CDK2: variants seen among roughly 807,000 people sequenced by gnomAD.
CDK2 encodes the protein cyclin-dependent kinase 2.
Under a neutral mutation model 35.0 loss-of-function variants are expected in CDK2, and 8 were observed. That is an observed-to-expected ratio of 0.23 (90% CI 0.13 to 0.41). CDK2 has a LOEUF of 0.41. Among genes scored for constraint, CDK2 ranks in the 10% least tolerant of loss-of-function variants. The pLI, the probability that CDK2 is intolerant of heterozygous loss-of-function variation, is 1.00. For missense variants in CDK2, 201 were observed against 367.1 expected (o/e 0.55, Z 3.70); for synonymous variants, 134 against 137.7 (o/e 0.97, Z 0.19).
At chr12:55,967,176 C>T (rs777189859) in intron 1 of CDK2, 52 bp downstream of exon 1, 5 of 1,334,992 alleles carry the variant, frequency 3.7e-6, no homozygotes, top group East Asian at 2.4e-5. Flanking sequence ...CTTGATTGTC[C>T]CCCCCAACCC....
rs756121451 is a variant in CDK2, at chr12:55,969,466, G to C, written c.487-9G>C. On this transcript the variant is annotated splice_polypyrimidine_tract_variant and intron_variant, in intron 4 of 6. Coordinates refer to ENST00000266970, the MANE Select transcript of CDK2 (RefSeq NM_001798.5). ...AACCACCCCGCCCCTCCCTATTCCC[G>C]TCCCTCAGGTGGTGACCCTGTGGTA... 6.5e-7 allele frequency: 1 copy of C among 1,545,584 alleles called. No homozygotes were observed. The highest frequency in any genetic ancestry group is 2.3e-5 in the East Asian group (1 of 43,476).
chr12:55,967,799 G>T (rs1289651433), intron 1 of CDK2, 58 bp from the exon 2 acceptor site: 3 of 1,410,074 alleles, frequency 2.1e-6, no homozygotes, highest in Non-Finnish European at 3.0e-6. Flanking sequence ...TGACTAGGTG[G>T]GGGGGAAAGG....
intron 5 of CDK2, among the ~76,000 whole-genome samples, chr12:55,970,439 T>G (rs1009250920): frequency 2.0e-5 from 3 of 152,134 alleles, no homozygotes; most frequent in Non-Finnish European, 4.4e-5. Flanking sequence ...GTAGGCTGTC[T>G]TCAAATCAGC....
Position 55,967,941 on chromosome 12 carries a change from A to G in CDK2, c.194+7A>G. The G allele has an allele frequency of 3.7e-6, 6 of 1,613,902 alleles. No individual in the cohort carries two copies. Among genetic ancestry groups the G allele is most frequent in the South Asian group, 2.2e-5 (2 of 91,066 alleles). ...ACCATCCTAATATTGTCAAGTAAGT[A>G]TGCGTCTGAGAGGTGATCCAGCTGG... is the stretch of plus-strand genomic sequence containing the variant. On this transcript the variant is annotated splice_region_variant and intron_variant, in intron 2 of 6. Transcript: ENST00000266970.
Position 55,972,480 on chromosome 12 carries a change from C to T in CDK2, c.*855C>T, listed in dbSNP as rs974579109. ...AGGCATCATTTTGAGAATGCTGACA[C>T]TTTTTCAGGGCTGTGATTGAGTGAG... On this transcript the variant is annotated 3_prime_UTR_variant, in exon 7 of 7. Coordinates refer to ENST00000266970, the MANE Select transcript of CDK2 (RefSeq NM_001798.5). 2 of 151,850 alleles carry T rather than the reference C, an allele frequency of 1.3e-5. No individual in the cohort carries two copies. Among genetic ancestry groups the T allele is most frequent in the East Asian group, 3.9e-4 (2 of 5,188 alleles). The allele number at this position is 151,850 out of a possible 1,614,324, so 9.4% of individuals were successfully genotyped here.
At position 55,968,866 on chromosome 12, in the gene CDK2, T is replaced by C. The variant is rs771983231; in HGVS notation, c.404T>C (p.Ile135Thr). 1.2e-6 allele frequency: 2 copies of C among 1,613,104 alleles called. No individual in the cohort carries two copies. The highest frequency in any genetic ancestry group is 2.2e-5 in the South Asian group (2 of 90,906). Residue 135 changes from isoleucine to threonine, a missense_variant, in exon 4 of 7, where the codon ATT becomes ACT. By Grantham distance (89) the Ile-to-Thr change is moderately conservative. This residue lies in a region of CDK2 where 47 missense variants were observed against 59.5 expected (regional missense o/e 0.79). Transcript: ENST00000266970. ...GACCTTAAACCTCAGAATCTGCTTA[T>C]TAACACAGAGGGGGCCATCAAGCTA... ...HRDLKPQNLL[I>T]NTEGAIKLAD...
chr12:55,971,442 T>G, intron 6 of CDK2, 79 bp from the exon 7 acceptor site: 1 of 1,230,192 alleles, frequency 8.1e-7, no homozygotes, highest in East Asian at 2.3e-5. Context: ...GAGTTCTGGT[T>G]TCCTGATTTC....
In CDK2 at chr12:55,967,280, G is replaced by A; in HGVS notation, c.116+156G>A. On this transcript the variant is annotated intron_variant, in intron 1 of 6. Transcript: ENST00000266970. ...GGGTTGGGGGCCAGTAGAAGGTGAA[G>A]AGTATACTTATACTCCCTGGGGAGA... The A allele has an allele frequency of 4.7e-6, 3 of 639,270 alleles. No homozygotes were observed. In the South Asian group the frequency reaches 5.4e-5, roughly 11 times the overall value. The allele number at this position is 639,270 out of a possible 1,614,324, so 39.6% of individuals were successfully genotyped here.
chr12:55,967,613 T>C lies in CDK2; in HGVS notation c.117-244T>C, dbSNP rs141055162. 9.1e-4 allele frequency: 500 copies of C among 549,848 alleles called. 3 individuals are homozygous for C. In the East Asian group the frequency reaches 0.015, roughly 17 times the overall value. The allele number at this position is 549,848 out of a possible 1,614,324, so 34.1% of individuals were successfully genotyped here. ...TTTTTCCCCTCCATTACAGTCTCCC[T>C]GCTTCACCTTCACCAGGCGGCTTTA... is the stretch of plus-strand genomic sequence containing the variant. On this transcript the variant is annotated intron_variant, in intron 1 of 6. Transcript: ENST00000266970.
chr12:55,970,375 C>G, intron 5 of CDK2, among the ~76,000 whole-genome samples: 1 of 151,346 alleles, frequency 6.6e-6, no homozygotes, highest in African/African-American at 2.4e-5. Flanking sequence ...ATCCTTGAAG[C>G]CTGGCTTTAT....
In CDK2 at chr12:55,966,914, TC is replaced by T. The variant is rs1889329023; in HGVS notation, c.-90del. 3 of 1,062,978 alleles carry T rather than the reference TC, an allele frequency of 2.8e-6. No homozygotes were observed. In the African/African-American group the frequency reaches 4.7e-5, roughly 17 times the overall value. The allele number at this position is 1,062,978 out of a possible 1,614,324, so 65.8% of individuals were successfully genotyped here. On this transcript the variant is annotated 5_prime_UTR_variant, in exon 1 of 7. Transcript: ENST00000266970. Reference sequence around the variant, plus strand: ...CGGGGCCACGGTACTGGGCCCTGTTTCCCCCTCCTCGGCCCCCGAGAGCCAG... The same window carrying T: ...CGGGGCCACGGTACTGGGCCCTGTTTCCCCTCCTCGGCCCCCGAGAGCCAG...
At position 55,966,867 on chromosome 12, in the gene CDK2, T is replaced by C. The variant is rs1428523781; in HGVS notation, c.-142T>C. Reference sequence around the variant, plus strand: ...TGGCCAAATTGACAAGAGCGAGAGGTATACTGCGTTCCATCCCGACCCGGG... The same window carrying C: ...TGGCCAAATTGACAAGAGCGAGAGGCATACTGCGTTCCATCCCGACCCGGG... On this transcript the variant is annotated 5_prime_UTR_variant, in exon 1 of 7. Coordinates refer to ENST00000266970, the MANE Select transcript of CDK2 (RefSeq NM_001798.5). 11 of 850,892 alleles carry C rather than the reference T, an allele frequency of 1.3e-5. No homozygotes were observed. In the East Asian group the frequency reaches 2.4e-4, roughly 19 times the overall value. 52.7% of individuals were successfully genotyped at this position (850,892 alleles called of 1,614,324 possible). A position where few individuals can be genotyped will look rare whatever the true frequency, so the allele number is the denominator to read the frequency against.
rs764190346 is a variant in CDK2, at chr12:55,967,844, C to G, written c.117-13C>G. 6.2e-7 allele frequency: 1 copy of G among 1,611,302 alleles called. No homozygotes were observed. The highest frequency in any genetic ancestry group is 8.5e-7 in the Non-Finnish European group (1 of 1,177,458). ...AACCATATTCCCATCTCTGCTTTCCCAACCTCTCCAAGTGAGACTGAGGGT... is the reference window on the plus strand; with the variant it reads ...AACCATATTCCCATCTCTGCTTTCCGAACCTCTCCAAGTGAGACTGAGGGT... On this transcript the variant is annotated splice_polypyrimidine_tract_variant and intron_variant, in intron 1 of 6. Transcript: ENST00000266970.
chr12:55,970,915 G>A, intron 5 of CDK2, 129 bp from the exon 6 acceptor site: 1 of 812,340 alleles, frequency 1.2e-6, no homozygotes, highest in Non-Finnish European at 2.2e-6. Flanking sequence ...CTGACCCCAT[G>A]AAAGGCCCTG....
intron 5 of CDK2, 81 bp downstream of exon 5, chr12:55,969,657 C>CTGGGCCAAGA: frequency 1.4e-6 from 1 of 733,822 alleles, no homozygotes; most frequent in Non-Finnish European, 2.3e-6. Context: ...CTTCTTGGCC[C>CTGGGCCAAGA]AGACCTATGG....
At chr12:55,971,430 AGGAGTT>A in intron 6 of CDK2, 85 bp from the exon 7 acceptor site, 1 of 1,163,062 alleles carries the variant, frequency 8.6e-7, no homozygotes. Context: ...CTTGGGTAGA[AGGAGTT>A]CTGGTTTCCT....
Position 55,968,085 on chromosome 12 carries a change from C to T in CDK2, c.231C>T (p.Tyr77=). The T allele has an allele frequency of 7.4e-6, 12 of 1,614,074 alleles. No homozygotes were observed. The highest frequency in any genetic ancestry group is 2.5e-6 in the Non-Finnish European group (3 of 1,179,990). Residue 77 remains tyrosine (Y), a synonymous_variant, in exon 3 of 7, where the codon TAC becomes TAT. Transcript: ENST00000266970. ...LDVIHTENKL[Y]LVFEFLHQDL... ...TCATTCACACAGAAAATAAACTCTA[C>T]CTGGTTTTTGAATTTCTGCACCAAG...
In CDK2 at chr12:55,966,890, G is replaced by A. The variant is rs1454572217; in HGVS notation, c.-119G>A. ...GGTATACTGCGTTCCATCCCGACCC[G>A]GGGCCACGGTACTGGGCCCTGTTTC... On this transcript the variant is annotated 5_prime_UTR_variant, in exon 1 of 7. Coordinates refer to ENST00000266970, the MANE Select transcript of CDK2 (RefSeq NM_001798.5). 5.0e-5 allele frequency: 47 copies of A among 933,650 alleles called. No individual in the cohort carries two copies. Among genetic ancestry groups the A allele is most frequent in the South Asian group, 3.0e-4 (20 of 65,578 alleles). The allele number at this position is 933,650 out of a possible 1,614,324, so 57.8% of individuals were successfully genotyped here.
chr12:55,971,629 C>G lies in CDK2; in HGVS notation c.*4C>G. ...AGTACCCCATCTTCGACTCTGATAG[C>G]CTTCTTGAAGCCCCCAGCCCTAATC... On this transcript the variant is annotated 3_prime_UTR_variant, in exon 7 of 7. Transcript: ENST00000266970. The G allele has an allele frequency of 6.2e-7, 1 of 1,600,392 alleles. No homozygotes were observed. Among genetic ancestry groups the G allele is most frequent in the Non-Finnish European group, 8.6e-7 (1 of 1,167,402 alleles).
Sources: allele counts gnomAD v4.1 joint callset (sites outside exome capture counted in the v4.1 genomes callset), GRCh38; gene constraint gnomAD v4.1.1; regional missense constraint gnomAD v4.1.1; transcripts MANE v1.5; gene names NCBI Gene and HGNC (gene_info 2026-07-23, HGNC 2026-07-21).